The following SLC4A8 variants were observed in gnomAD, a reference collection of about 807,000 sequenced individuals.
SLC4A8 encodes the protein solute carrier family 4 member 8.
In SLC4A8, 40 loss-of-function variants were observed where a neutral mutation model predicts 125.0. That is an observed-to-expected ratio of 0.32 (90% CI 0.25 to 0.42). The LOEUF (loss-of-function observed/expected upper bound fraction) is 0.42. SLC4A8 is among the 10% of genes least tolerant of loss of function. The pLI is 1.00. For missense variants in SLC4A8, 863 were observed against 1,355.1 expected, an observed-to-expected ratio of 0.64 and a Z score of 5.70; for synonymous variants, 456 against 476.0, an observed-to-expected ratio of 0.96 and a Z score of 0.55.
At chr12:51,500,407 A>G (rs1199368139) in intron 22 of SLC4A8, among the ~76,000 whole-genome samples, 1 of 152,042 alleles carries the variant, frequency 6.6e-6, no homozygotes, top group Non-Finnish European at 1.5e-5. Flanking sequence ...CATAGTTTTC[A>G]TATAACTATG....
rs1949953735 is a variant in SLC4A8, at chr12:51,451,107, G to T, written c.277+85G>T. 4 of 1,153,752 alleles carry T rather than the reference G, an allele frequency of 3.5e-6. No homozygotes were observed. The African/African-American group carries it at 4.8e-5, about 14-fold the overall frequency. The allele number at this position is 1,153,752 out of a possible 1,614,324, so 71.5% of individuals were successfully genotyped here. A position where few individuals can be genotyped will look rare whatever the true frequency, so the allele number is the denominator to read the frequency against. The stretch of plus-strand genomic sequence containing the variant: ...GGACATGTGACTGACATTAGCAGCT[G>T]GTCTTGATTCTTGAGCCTTTTTGTA... On this transcript the variant is annotated intron_variant, in intron 3 of 24. Coordinates refer to ENST00000453097, the MANE Select transcript of SLC4A8 (RefSeq NM_001039960.3).
In SLC4A8 at chr12:51,460,036, C is replaced by T. The variant is rs774020349; in HGVS notation, c.941C>T (p.Pro314Leu). The T allele has an allele frequency of 3.1e-6, 5 of 1,613,488 alleles. No individual in the cohort carries two copies. Among genetic ancestry groups the T allele is most frequent in the Non-Finnish European group, 4.2e-6 (5 of 1,179,404 alleles). Reference protein sequence around the residue: ...LVGEVDILDRPIVAFVRLSPA... With the variant: ...LVGEVDILDRLIVAFVRLSPA... The stretch of plus-strand genomic sequence containing the variant: ...GGAGAGGTGGATATTTTGGACCGTC[C>T]CATTGTTGCCTTTGTGAGGCTGTCT... The change falls in exon 8 of 25, where the codon CCC becomes CTC. Residue 314 changes from proline (P) to leucine (L), a missense_variant. By Grantham distance (98) the Pro-to-Leu change is moderately conservative (BLOSUM62 -3). Around this residue, in one of 6 missense-constraint regions of SLC4A8, gnomAD observed 390 missense variants for 634.4 expected, o/e 0.61. Transcript: ENST00000453097.
At chr12:51,426,966 T>C (rs1447698573) in intron 1 of SLC4A8, among the ~76,000 whole-genome samples, 1 of 138,818 alleles carries the variant, frequency 7.2e-6, no homozygotes, top group Non-Finnish European at 1.5e-5. Flanking sequence ...TGAGATGGAG[T>C]CTTGCTCTGT....
chr12:51,415,304 G>A (rs1022427202), intron 1 of SLC4A8, among the ~76,000 whole-genome samples: 32 of 152,256 alleles, frequency 2.1e-4, no homozygotes, highest in Admixed American at 1.6e-3. Context: ...GGAATAGTTT[G>A]AGAAGAACTG....
At chr12:51,459,696 C>T (rs1950262848) in intron 7 of SLC4A8, among the ~76,000 whole-genome samples, 1 of 151,830 alleles carries the variant, frequency 6.6e-6, no homozygotes, top group Non-Finnish European at 1.5e-5. Context: ...ATGGCAAGAC[C>T]CCATCTCTAC....
upstream of SLC4A8, among the ~76,000 whole-genome samples, chr12:51,423,207 A>T (rs1167693631): frequency 6.6e-6 from 1 of 152,262 alleles, no homozygotes; most frequent in Admixed American, 6.5e-5. Context: ...TAAAGTCAAC[A>T]TATAAAGTAC....
Position 51,457,362 on chromosome 12 carries a change from G to T in SLC4A8, c.586G>T (p.Asp196Tyr). The T allele has an allele frequency of 6.2e-7, 1 of 1,613,534 alleles. No individual in the cohort carries two copies. Among genetic ancestry groups the T allele is most frequent in the Non-Finnish European group, 8.5e-7 (1 of 1,179,702 alleles). ...SIEEISDLIL[D>Y]QQELSSDLND... ...TGCCTGCTTTCCAGACCTGATCCTG[G>T]ATCAGCAAGAACTGTCCAGTGACCT... Residue 196 changes from aspartate (D) to tyrosine (Y), a missense_variant, in exon 6 of 25, where the codon GAT becomes TAT. This residue lies in a region of SLC4A8 where 390 missense variants were observed against 634.4 expected (regional missense o/e 0.61). Coordinates refer to ENST00000453097, the MANE Select transcript of SLC4A8 (RefSeq NM_001039960.3).
At chr12:51,497,354 C>A in intron 22 of SLC4A8, 1 of 481,078 alleles carries the variant, frequency 2.1e-6, no homozygotes, top group Non-Finnish European at 3.7e-6. Flanking sequence ...ACAATCTACT[C>A]ACCAGGCTCA....
intron 1 of SLC4A8, among the ~76,000 whole-genome samples, chr12:51,428,920 A>AT (rs1397547923): frequency 1.3e-5 from 2 of 151,850 alleles, no homozygotes; most frequent in Non-Finnish European, 2.9e-5. Flanking sequence ...TTTATTTTTT[A>AT]TTTTTTGAGA....
intron 1 of SLC4A8, among the ~76,000 whole-genome samples, chr12:51,412,129 A>G (rs1358485453): frequency 6.6e-6 from 1 of 152,216 alleles, no homozygotes; most frequent in Non-Finnish European, 1.5e-5. Flanking sequence ...CTTTCACTCT[A>G]TCAAAATTAT....
At position 51,488,816 on chromosome 12, in the gene SLC4A8, C is replaced by G; in HGVS notation, c.2404C>G (p.Gln802Glu). ...TACTATCTTGATATTCATGGATCAG[C>G]AGATCACAGCCGTCATTATTAACAG... ...LCTILIFMDQ[Q>E]ITAVIINRKE... Residue 802 changes from glutamine (Q) to glutamate (E), a missense_variant, in exon 18 of 25, where the codon CAG (glutamine) becomes GAG (glutamate). Transcript: ENST00000453097. 1 of 1,613,720 alleles carries G rather than the reference C, an allele frequency of 6.2e-7. No individual in the cohort carries two copies. Among genetic ancestry groups the G allele is most frequent in the Non-Finnish European group, 8.5e-7 (1 of 1,179,708 alleles).
chr12:51,413,466 G>A (rs1468894776), intron 1 of SLC4A8, among the ~76,000 whole-genome samples: 1 of 152,102 alleles, frequency 6.6e-6, no homozygotes, highest in Non-Finnish European at 1.5e-5. Context: ...TGCTTTTGAA[G>A]TCTTAGCCAT....
At chr12:51,427,233 C>T (rs1268056617) in intron 1 of SLC4A8, among the ~76,000 whole-genome samples, 1 of 152,084 alleles carries the variant, frequency 6.6e-6, no homozygotes, top group Non-Finnish European at 1.5e-5. Context: ...CCACCGTGCC[C>T]GGCCCAGATT....
upstream of SLC4A8, chr12:51,422,266 G>C (rs1948805426): frequency 6.6e-6 from 1 of 152,248 alleles, no homozygotes. Flanking sequence ...GTGTGTGGAA[G>C]TTTTCCCTAA....
At position 51,394,208 on chromosome 12, in the gene SLC4A8, A is replaced by G. The variant is rs550741017; in HGVS notation, c.-112+2720A>G. Among the ~76,000 whole-genome samples, 3 of 152,350 alleles carry G rather than the reference A, an allele frequency of 2.0e-5. No individual in the cohort carries two copies. In the East Asian group the frequency reaches 5.8e-4, roughly 29 times the overall value. On this transcript the variant is annotated intron_variant, in intron 1 of 24. Coordinates refer to the SLC4A8 transcript ENST00000358657. ...TGGTGCTCCTGAGAGGGCCGGGCCC[A>G]GCTTCCCAAGAAGTAGCAGCAGTCT...
chr12:51,505,898 C>G lies in SLC4A8; in HGVS notation c.3237C>G (p.Leu1079=). 2 of 1,578,564 alleles carry G rather than the reference C, an allele frequency of 1.3e-6. No homozygotes were observed. The highest frequency in any genetic ancestry group is 8.7e-7 in the Non-Finnish European group (1 of 1,150,090). The change falls in exon 24 of 25, where the codon CTC becomes CTG. Residue 1079 remains leucine, a synonymous_variant. Transcript: ENST00000453097. ...EMPKTTVWKA[L]SMNSGNAKEK... ...CTAAAACTACAGTTTGGAAAGCTCTCAGTATGAATTCTGGAAATGCAAAGG... is the reference window on the plus strand; with the variant it reads ...CTAAAACTACAGTTTGGAAAGCTCTGAGTATGAATTCTGGAAATGCAAAGG...
At chr12:51,427,067 T>C (rs1949015841) in intron 1 of SLC4A8, among the ~76,000 whole-genome samples, 1 of 151,096 alleles carries the variant, frequency 6.6e-6, no homozygotes, top group Admixed American at 6.6e-5. Context: ...GTCTCCGGAG[T>C]AGCTGCGACT....
intron 1 of SLC4A8, chr12:51,392,009 G>A (rs7133655): frequency 0.92 from 140,033 of 152,540 alleles, 64,598 homozygotes; most frequent in Non-Finnish European, 0.97. Context: ...CCCGGAGGGG[G>A]AAACGCGGCG....
intron 17 of SLC4A8, among the ~76,000 whole-genome samples, chr12:51,488,064 G>A (rs1405149968): frequency 4.6e-5 from 7 of 152,212 alleles, no homozygotes. Flanking sequence ...TGGAAAGTAA[G>A]TGGAAGGAAG....
Sources: allele counts gnomAD v4.1 joint callset (sites outside exome capture counted in the v4.1 genomes callset), GRCh38; gene constraint gnomAD v4.1.1; regional missense constraint gnomAD v4.1.1; transcripts MANE v1.5; gene names NCBI Gene and HGNC (gene_info 2026-07-23, HGNC 2026-07-21).